The following PARD3B variants were observed in gnomAD, a reference collection of about 807,000 sequenced individuals.
The protein encoded by PARD3B is par-3 family cell polarity regulator beta, also known as partitioning defective 3 homolog B.
PARD3B carries 103 observed loss-of-function variants against 130.2 expected under a neutral mutation model. The ratio of observed to expected loss-of-function variants is 0.79; its 90% CI spans 0.67 to 0.93. The LOEUF (loss-of-function observed/expected upper bound fraction) is 0.93, where lower values mean the gene tolerates loss of function less well. Ranked by LOEUF, PARD3B falls within the 40% of genes least tolerant of loss-of-function variation. The pLI, the probability that PARD3B is intolerant of heterozygous loss-of-function variation, is 0.00. For synonymous variants in PARD3B, 583 were observed against 553.2 expected, an observed-to-expected ratio of 1.05 and a Z score of -0.76; for missense variants, 1,609 against 1,499.2, an observed-to-expected ratio of 1.07 and a Z score of -1.21.
At chr2:204,996,908 C>G (rs1332223816) in intron 3 of PARD3B, among the ~76,000 whole-genome samples, 1 of 151,528 alleles carries the variant, frequency 6.6e-6, no homozygotes, top group Non-Finnish European at 1.5e-5. Flanking sequence ...TTGCGCTTCC[C>G]AGGTGAGGCA....
chr2:205,432,000 A>G (rs945446684), intron 19 of PARD3B, among the ~76,000 whole-genome samples: 1 of 152,164 alleles, frequency 6.6e-6, no homozygotes, highest in Non-Finnish European at 1.5e-5. Context: ...ATGAGAAAAT[A>G]TATCACTAAT....
At chr2:204,718,385 T>A (rs1258428091) in intron 2 of PARD3B, among the ~76,000 whole-genome samples, 1 of 152,068 alleles carries the variant, frequency 6.6e-6, no homozygotes, top group Non-Finnish European at 1.5e-5. Flanking sequence ...AATCTTACAA[T>A]CATGGCGGAA....
At chr2:205,104,631 C>A (rs1703070488) in intron 5 of PARD3B, 117 bp downstream of exon 5, 2 of 663,900 alleles carry the variant, frequency 3.0e-6, no homozygotes, top group Non-Finnish European at 5.1e-6. Flanking sequence ...TCATGGAGTG[C>A]AACATGTCCC....
At chr2:204,894,682 CA>C (rs2046580514) in intron 2 of PARD3B, among the ~76,000 whole-genome samples, 2 of 152,018 alleles carry the variant, frequency 1.3e-5, no homozygotes, top group South Asian at 4.1e-4. Context: ...ACCCAACCCC[CA>C]AATGCTTGAA....
At chr2:205,384,058 C>T (rs527736789) in intron 18 of PARD3B, among the ~76,000 whole-genome samples, 4 of 152,042 alleles carry the variant, frequency 2.6e-5, no homozygotes, top group Non-Finnish European at 5.9e-5. Flanking sequence ...GTTTACCTCA[C>T]TTCATCTTAT....
chr2:205,413,647 T>G (rs1055256859), intron 19 of PARD3B, among the ~76,000 whole-genome samples: 1 of 152,192 alleles, frequency 6.6e-6, no homozygotes, highest in African/African-American at 2.4e-5. Context: ...TATTTGTAAC[T>G]GGCAGTAGGA....
chr2:204,931,581 C>T (rs1688033341), intron 2 of PARD3B, among the ~76,000 whole-genome samples: 1 of 148,396 alleles, frequency 6.7e-6, no homozygotes. Flanking sequence ...AGTATAAATG[C>T]TTAGAAATTA....
chr2:205,411,779 C>T (rs770503682), intron 19 of PARD3B, among the ~76,000 whole-genome samples: 16 of 151,960 alleles, frequency 1.1e-4, no homozygotes, highest in Non-Finnish European at 2.1e-4. Flanking sequence ...TATTGATCGC[C>T]GGTTGGAAGT....
At chr2:205,529,862 C>CT (rs1330124703) in intron 21 of PARD3B, among the ~76,000 whole-genome samples, 1 of 152,086 alleles carries the variant, frequency 6.6e-6, no homozygotes, top group African/African-American at 2.4e-5. Context: ...AGAAGTATTT[C>CT]TTTGAAGCGC....
intron 3 of PARD3B, among the ~76,000 whole-genome samples, chr2:205,022,004 A>C (rs17216787): frequency 0.073 from 11,137 of 152,094 alleles, 547 homozygotes; most frequent in Non-Finnish European, 0.099. Flanking sequence ...TTTTCAAACA[A>C]ATTCAGTTTT....
rs960220379 is a variant in PARD3B at position 205,202,059 on chromosome 2, C to A, written c.2140+8739C>A. On this transcript the variant is annotated intron_variant, in intron 15 of 22. Transcript: ENST00000406610. ...AGTGGTAAAAGACTTCAGATAGTTT[C>A]CAGCACCTCCATCCACGGCAGGCCT... is the stretch of plus-strand genomic sequence containing the variant. 2.0e-5 allele frequency among the ~76,000 whole-genome samples: 3 copies of A among 152,058 alleles called. No homozygotes were observed. The South Asian group carries it at 6.2e-4, about 31-fold the overall frequency.
At chr2:204,725,119 A>AT (rs971541315) in intron 2 of PARD3B, among the ~76,000 whole-genome samples, 14 of 152,036 alleles carry the variant, frequency 9.2e-5, no homozygotes, top group African/African-American at 2.2e-4. Context: ...ACAAATCTAG[A>AT]TTTTTTTTCC....
chr2:204,659,317 CT>C (rs1272719511), intron 1 of PARD3B, among the ~76,000 whole-genome samples: 1 of 152,048 alleles, frequency 6.6e-6, no homozygotes, highest in Non-Finnish European at 1.5e-5. Context: ...TATTCTGAAC[CT>C]GTATTTTAGG....
chr2:205,315,117 G>A (rs371671380), intron 18 of PARD3B, among the ~76,000 whole-genome samples: 3 of 151,952 alleles, frequency 2.0e-5, no homozygotes, highest in African/African-American at 7.3e-5. Context: ...CCAATCATTC[G>A]TTTGTTCAGT....
At chr2:205,497,354 A>G (rs1458540765) in intron 20 of PARD3B, among the ~76,000 whole-genome samples, 1 of 151,770 alleles carries the variant, frequency 6.6e-6, no homozygotes, top group Non-Finnish European at 1.5e-5. Context: ...ACAGAGGTAC[A>G]TCATCCAGTT....
intron 2 of PARD3B, among the ~76,000 whole-genome samples, chr2:204,878,004 T>G (rs1315658185): frequency 2.0e-5 from 3 of 152,238 alleles, no homozygotes; most frequent in African/African-American, 7.2e-5. Context: ...ATGAAAAAGC[T>G]GCCTCTGCCC....
At chr2:204,745,484 C>T (rs1165921599) in intron 2 of PARD3B, among the ~76,000 whole-genome samples, 1 of 151,722 alleles carries the variant, frequency 6.6e-6, no homozygotes, top group East Asian at 1.9e-4. Context: ...CTCACTGCAA[C>T]CTCTACCTCC....
intron 2 of PARD3B, among the ~76,000 whole-genome samples, chr2:204,688,020 A>G (rs1178996786): frequency 6.6e-6 from 1 of 152,106 alleles, no homozygotes; most frequent in Non-Finnish European, 1.5e-5. Context: ...TATAACCATA[A>G]TCCACTTACT....
chr2:205,302,918 G>C lies in PARD3B; in HGVS notation c.2630+1217G>C, dbSNP rs143046866. 1.2e-3 allele frequency among the ~76,000 whole-genome samples: 184 copies of C among 152,328 alleles called. 1 individual carries two copies. The East Asian group carries it at 0.013, about 11-fold the overall frequency. The stretch of plus-strand genomic sequence containing the variant: ...CTGACCCAGCACAGTTGTGAGATAT[G>C]ATTTCATATGCTATACATTCATTGA... On this transcript the variant is annotated intron_variant, in intron 18 of 22. Transcript: ENST00000406610.
Sources: allele counts gnomAD v4.1 joint callset (sites outside exome capture counted in the v4.1 genomes callset), GRCh38; gene constraint gnomAD v4.1.1; transcripts MANE v1.5; gene names NCBI Gene and HGNC (gene_info 2026-07-23, HGNC 2026-07-21).